Variants in TDRD3 observed in about 807,000 individuals in gnomAD.
TDRD3 encodes the protein tudor domain-containing protein 3.
TDRD3 carries 45 observed loss-of-function variants against 86.7 expected under a neutral mutation model. The ratio of observed to expected loss-of-function variants is 0.52; its 90% CI spans 0.41 to 0.67. The LOEUF is 0.67. Ranked by LOEUF, TDRD3 falls within the 30% of genes least tolerant of loss-of-function variation. The pLI is 0.00. For missense variants in TDRD3, 814 were observed against 889.0 expected (o/e 0.92, Z 1.07); for synonymous variants, 298 against 301.7 (o/e 0.99, Z 0.13).
intron 1 of TDRD3, among the ~76,000 whole-genome samples, chr13:60,434,871 A>G (rs1004845824): frequency 1.3e-5 from 2 of 152,100 alleles, no homozygotes; most frequent in African/African-American, 4.8e-5. Context: ...CCGTAACTGG[A>G]GTGCCTGCTC....
chr13:60,460,789 A>C (rs1339560004), intron 4 of TDRD3: 1 of 253,850 alleles, frequency 3.9e-6, no homozygotes, highest in Non-Finnish European at 7.4e-6. Flanking sequence ...CGGATCACCC[A>C]AGGTCAGGAG....
At position 60,492,706 on chromosome 13, in the gene TDRD3, A is replaced by T. The variant is rs1390296214; in HGVS notation, c.718-1729A>T. 2.6e-5 allele frequency among the ~76,000 whole-genome samples: 4 copies of T among 152,112 alleles called. No individual in the cohort carries two copies. In the East Asian group the frequency reaches 5.8e-4, roughly 22 times the overall value. On this transcript the variant is annotated intron_variant, in intron 7 of 13. Transcript: ENST00000377881. ...TTTTTTTTTTGCTGGGATTCCATAA[A>T]CCCAAAATTGAATGAATCTAGTAAT...
At chr13:60,428,359 C>T (rs1284690630) in intron 1 of TDRD3, among the ~76,000 whole-genome samples, 1 of 151,820 alleles carries the variant, frequency 6.6e-6, no homozygotes, top group Non-Finnish European at 1.5e-5. Context: ...GGCCACCATT[C>T]AGGCTACTAT....
intron 4 of TDRD3, among the ~76,000 whole-genome samples, chr13:60,466,795 T>TAA (rs36047256): frequency 1.4e-5 from 2 of 144,596 alleles, no homozygotes; most frequent in African/African-American, 2.6e-5. Context: ...CTCTGTCTTT[T>TAA]AAAAAAAAAA....
intron 12 of TDRD3, among the ~76,000 whole-genome samples, chr13:60,543,804 A>G (rs1957870943): frequency 6.6e-6 from 1 of 152,074 alleles, no homozygotes; most frequent in Non-Finnish European, 1.5e-5. Flanking sequence ...TGTCATTAGT[A>G]ATACTATTTT....
At chr13:60,411,041 A>G (rs564422945) in intron 1 of TDRD3, among the ~76,000 whole-genome samples, 3 of 152,314 alleles carry the variant, frequency 2.0e-5, no homozygotes, top group African/African-American at 7.2e-5. Flanking sequence ...CTGTGTTTAC[A>G]TTGTTGTTAG....
Position 60,546,443 on chromosome 13 carries a change from A to G in TDRD3, c.2118+11210A>G, listed in dbSNP as rs560720042. Among the ~76,000 whole-genome samples the G allele has an allele frequency of 3.3e-5, 5 of 152,254 alleles. 1 individual carries two copies. The South Asian group carries it at 8.3e-4, about 25-fold the overall frequency. The stretch of plus-strand genomic sequence containing the variant: ...GAGACTAGAAAGTCTAAATTTTGTT[A>G]TAGAAGTTTAATTATAAAAGCCTAC... On this transcript the variant is annotated intron_variant, in intron 12 of 13. Coordinates refer to ENST00000377881, the MANE Select transcript of TDRD3 (RefSeq NM_001146070.2).
In TDRD3 at chr13:60,439,625, A is replaced by C. The variant is rs1158408582; in HGVS notation, c.42-63A>C. ...TAGTAGAAAACAAAATTGCATGTAG[A>C]CTTAAGAATTTTGGTTAATTTTGAT... On this transcript the variant is annotated intron_variant, in intron 1 of 13. Transcript: ENST00000377881. 144 of 1,301,356 alleles carry C rather than the reference A, an allele frequency of 1.1e-4. 1 individual carries two copies. In the South Asian group the frequency reaches 2.0e-3, roughly 18 times the overall value. The allele number at this position is 1,301,356 out of a possible 1,614,324, so 80.6% of individuals were successfully genotyped here.
chr13:60,531,857 C>T (rs1383606216), intron 11 of TDRD3, among the ~76,000 whole-genome samples: 1 of 152,016 alleles, frequency 6.6e-6, no homozygotes, highest in Non-Finnish European at 1.5e-5. Flanking sequence ...GAATGAATGA[C>T]TATGAATGAT....
At chr13:60,537,638 A>G (rs1036041435) in intron 12 of TDRD3, 1 of 152,124 alleles carries the variant, frequency 6.6e-6, no homozygotes, top group South Asian at 2.1e-4. Flanking sequence ...ACTGTAACTG[A>G]TAAGTCATAC....
At chr13:60,548,832 C>T (rs185235739) in intron 12 of TDRD3, among the ~76,000 whole-genome samples, 1 of 152,054 alleles carries the variant, frequency 6.6e-6, no homozygotes, top group East Asian at 1.9e-4. Context: ...ATTATTTTTT[C>T]CCAACACTTA....
intron 8 of TDRD3, among the ~76,000 whole-genome samples, chr13:60,501,678 C>T (rs905505283): frequency 1.3e-5 from 2 of 152,156 alleles, no homozygotes; most frequent in Non-Finnish European, 2.9e-5. Context: ...ATGACTTCCC[C>T]AAACCATCCA....
chr13:60,536,256 T>G (rs1957695653), intron 12 of TDRD3: 1 of 152,094 alleles, frequency 6.6e-6, no homozygotes, highest in African/African-American at 2.4e-5. Context: ...ATTTTTTGCC[T>G]TTTTGTTCTA....
chr13:60,497,153 C>T (rs963850402), intron 8 of TDRD3, among the ~76,000 whole-genome samples: 16 of 152,216 alleles, frequency 1.1e-4, no homozygotes, highest in African/African-American at 3.4e-4. Flanking sequence ...AAGTCAACGG[C>T]GGGTCTGGGA....
intron 3 of TDRD3, among the ~76,000 whole-genome samples, chr13:60,445,427 C>T (rs1955376298): frequency 6.6e-6 from 1 of 152,080 alleles, no homozygotes; most frequent in Admixed American, 6.6e-5. Flanking sequence ...TATCTTGATT[C>T]CTTTGTTTAT....
chr13:60,553,716 T>A (rs748414118), intron 12 of TDRD3, among the ~76,000 whole-genome samples: 3 of 152,162 alleles, frequency 2.0e-5, no homozygotes, highest in Middle Eastern at 3.4e-3. Flanking sequence ...TCAGCTCTCA[T>A]GAGAACTCAC....
intron 12 of TDRD3, among the ~76,000 whole-genome samples, chr13:60,562,719 A>G (rs1376056167): frequency 2.0e-5 from 3 of 152,236 alleles, no homozygotes; most frequent in Non-Finnish European, 2.9e-5. Context: ...TGTGACTACT[A>G]TACAAATTCT....
intron 1 of TDRD3, among the ~76,000 whole-genome samples, chr13:60,432,168 T>G (rs190249591): frequency 6.6e-6 from 1 of 152,096 alleles, no homozygotes; most frequent in Non-Finnish European, 1.5e-5. Context: ...GAATTACCTT[T>G]TGTAGAATTC....
chr13:60,492,663 T>C (rs1956612240), intron 7 of TDRD3, among the ~76,000 whole-genome samples: 1 of 152,188 alleles, frequency 6.6e-6, no homozygotes, highest in South Asian at 2.1e-4. Flanking sequence ...GTAATGACTA[T>C]GAAGGCATTT....
Sources: allele counts gnomAD v4.1 joint callset (sites outside exome capture counted in the v4.1 genomes callset), GRCh38; gene constraint gnomAD v4.1.1; transcripts MANE v1.5; gene names NCBI Gene and HGNC (gene_info 2026-07-23, HGNC 2026-07-21).